ERG: variants seen among roughly 807,000 people sequenced by gnomAD.
ERG encodes the protein transcriptional regulator ERG.
ERG carries 9 observed loss-of-function variants against 55.3 expected under a neutral mutation model. That is an observed-to-expected ratio of 0.16 (90% confidence interval 0.10 to 0.28). The LOEUF is 0.28. Among genes scored for constraint, ERG ranks in the 10% least tolerant of loss-of-function variants. ERG has a pLI of 1.00. For synonymous variants in ERG, 223 were observed against 237.3 expected (o/e 0.94, Z 0.55); for missense variants, 434 against 631.6 (o/e 0.69, Z 3.35).
chr21:38,391,711 A>G lies in ERG; in HGVS notation c.819T>C (p.Ala273=), dbSNP rs1402928137. ...HGHPTPQSKA[A]QPSPSTVPKT... ...TGGGCACTGTGGAAGGAGATGGTTG[A>G]GCAGCTGAAAATCCAGAAATACAAA... The change falls in exon 8 of 10, where the codon GCT becomes GCC. Residue 273 remains alanine (A), a synonymous_variant. Transcript: ENST00000288319. 3.7e-6 allele frequency: 6 copies of G among 1,613,830 alleles called. No individual in the cohort carries two copies. The South Asian group carries it at 6.6e-5, about 18-fold the overall frequency.
intron 1 of ERG, among the ~76,000 whole-genome samples, chr21:38,580,404 A>G (rs1162634190): frequency 1.3e-5 from 2 of 152,238 alleles, no homozygotes; most frequent in Non-Finnish European, 2.9e-5. Context: ...CAAACAAACT[A>G]AAACCATACT....
chr21:38,651,982 T>C (rs1306136847), intron 1 of ERG, among the ~76,000 whole-genome samples: 1 of 152,234 alleles, frequency 6.6e-6, no homozygotes, highest in Non-Finnish European at 1.5e-5. Context: ...GTGTCTCCTG[T>C]GGCTATACCA....
intron 2 of ERG, among the ~76,000 whole-genome samples, chr21:38,554,757 C>T (rs2059847212): frequency 6.6e-6 from 1 of 151,712 alleles, no homozygotes; most frequent in African/African-American, 2.4e-5. Context: ...ATAATCTGCA[C>T]ACCAAACTCT....
Position 38,380,979 on chromosome 21 carries a change from G to T in ERG, c.*2424C>A. The T allele has an allele frequency of 9.4e-7, 1 of 1,064,622 alleles. No homozygotes were observed. Among genetic ancestry groups the T allele is most frequent in the Non-Finnish European group, 1.1e-6 (1 of 878,852 alleles). The allele number at this position is 1,064,622 out of a possible 1,614,324, so 65.9% of individuals were successfully genotyped here. A position where few individuals can be genotyped will look rare whatever the true frequency, so the allele number is the denominator to read the frequency against. ...TAGCACAGTTTGGGTCAGCCTAACTGCCAGCTTTCATGATTGTATTTATTT... is the reference window on the plus strand; with the variant it reads ...TAGCACAGTTTGGGTCAGCCTAACTTCCAGCTTTCATGATTGTATTTATTT... On this transcript the variant is annotated 3_prime_UTR_variant, in exon 10 of 10. Transcript: ENST00000288319.
At chr21:38,568,771 C>T (rs539312882) in intron 2 of ERG, among the ~76,000 whole-genome samples, 13 of 152,174 alleles carry the variant, frequency 8.5e-5, no homozygotes, top group African/African-American at 3.1e-4. Context: ...GAGGACGTGT[C>T]GATGGAGGGT....
At chr21:38,425,185 A>G (rs531955570) in intron 2 of ERG, among the ~76,000 whole-genome samples, 1 of 152,232 alleles carries the variant, frequency 6.6e-6, no homozygotes, top group East Asian at 1.9e-4. Context: ...GGAGTTCAAG[A>G]CCAGCCTGAT....
intron 2 of ERG, among the ~76,000 whole-genome samples, chr21:38,523,798 C>T (rs1481759160): frequency 1.3e-5 from 2 of 152,214 alleles, no homozygotes; most frequent in Non-Finnish European, 2.9e-5. Flanking sequence ...GCTGCAAAAG[C>T]CCAGTGATGG....
chr21:38,462,087 TC>T (rs1231027934), intron 1 of ERG, among the ~76,000 whole-genome samples: 1 of 152,198 alleles, frequency 6.6e-6, no homozygotes, highest in East Asian at 1.9e-4. Flanking sequence ...GTTCATGCCT[TC>T]TCCTGCCTCA....
rs557041300 is a variant in ERG at position 38,629,072 on chromosome 21, G to A, written c.-150+32586C>T. On this transcript the variant is annotated intron_variant, in intron 1 of 10. Transcript: ENST00000398910. ...AATAGCAGAGTTTCCTGCACAGACT[G>A]TACTATTTACAGAGTCCTGCAGCCC... Among the ~76,000 whole-genome samples the A allele has an allele frequency of 3.9e-4, 59 of 152,284 alleles. 1 individual carries two copies. The South Asian group carries it at 0.012, about 31-fold the overall frequency.
chr21:38,550,974 T>C (rs1281887948), intron 2 of ERG, among the ~76,000 whole-genome samples: 1 of 152,206 alleles, frequency 6.6e-6, no homozygotes, highest in Non-Finnish European at 1.5e-5. Context: ...GTGATAAAAG[T>C]AACATTTTCA....
At chr21:38,579,052 AAGGAT>A (rs2060012320) in intron 1 of ERG, among the ~76,000 whole-genome samples, 1 of 152,160 alleles carries the variant, frequency 6.6e-6, no homozygotes, top group South Asian at 2.1e-4. Flanking sequence ...TTGGAAACTG[AAGGAT>A]AACCAAGAAA....
intron 1 of ERG, among the ~76,000 whole-genome samples, chr21:38,596,760 T>G (rs891714903): frequency 3.9e-5 from 6 of 152,204 alleles, no homozygotes; most frequent in African/African-American, 1.4e-4. Context: ...CCAGCCAAGA[T>G]GGCCTTCTTG....
chr21:38,660,650 G>C (rs1601366596), intron 1 of ERG: 2 of 152,000 alleles, frequency 1.3e-5, no homozygotes, highest in Admixed American at 6.6e-5. Context: ...TAACTCCCTC[G>C]GCGCCGACGG....
chr21:38,612,732 C>T (rs2060235386), intron 1 of ERG, among the ~76,000 whole-genome samples: 1 of 149,692 alleles, frequency 6.7e-6, no homozygotes. Flanking sequence ...GGTGCAATCT[C>T]GGCTCACTGC....
intron 2 of ERG, among the ~76,000 whole-genome samples, chr21:38,559,775 G>C (rs572924187): frequency 2.0e-5 from 3 of 152,058 alleles, no homozygotes; most frequent in Admixed American, 6.6e-5. Context: ...CCTGCCTCCC[G>C]GGTTCAAGTG....
chr21:38,533,897 T>A (rs1241833339), intron 2 of ERG, among the ~76,000 whole-genome samples: 1 of 152,198 alleles, frequency 6.6e-6, no homozygotes, highest in African/African-American at 2.4e-5. Context: ...ATATATAGTT[T>A]CCTTCATGCA....
At chr21:38,576,455 A>C (rs2836529) in intron 1 of ERG, among the ~76,000 whole-genome samples, 14,712 of 152,302 alleles carry the variant, frequency 0.097, 840 homozygotes, top group South Asian at 0.15. Context: ...CTTAATTAGC[A>C]GGTATCAACC....
intron 1 of ERG, among the ~76,000 whole-genome samples, chr21:38,652,206 A>T (rs769711986): frequency 6.6e-6 from 1 of 152,106 alleles, no homozygotes; most frequent in Non-Finnish European, 1.5e-5. Flanking sequence ...ACACACCAGC[A>T]GGCCTGACTC....
intron 1 of ERG, among the ~76,000 whole-genome samples, chr21:38,599,686 C>T (rs552191160): frequency 5.9e-5 from 9 of 152,292 alleles, no homozygotes; most frequent in African/African-American, 2.2e-4. Context: ...GAACAATAGG[C>T]TTTTAAAAAT....
Sources: allele counts gnomAD v4.1 joint callset (sites outside exome capture counted in the v4.1 genomes callset), GRCh38; gene constraint gnomAD v4.1.1; transcripts MANE v1.5; gene names NCBI Gene and HGNC (gene_info 2026-07-23, HGNC 2026-07-21).